The following SLC1A3 variants were observed in gnomAD, a reference collection of about 807,000 sequenced individuals.
The protein encoded by SLC1A3 is solute carrier family 1 member 3, also known as excitatory amino acid transporter 1.
In SLC1A3, 21 loss-of-function variants were observed where a neutral mutation model predicts 48.1. The observed-to-expected ratio is 0.44, with a 90% CI of 0.31 to 0.63. SLC1A3 has a LOEUF of 0.63. Ranked by LOEUF, SLC1A3 falls within the 20% of genes least tolerant of loss-of-function variation. The pLI, the probability that SLC1A3 is intolerant of heterozygous loss-of-function variation, is 0.08. For missense variants in SLC1A3, 546 were observed against 689.0 expected, an observed-to-expected ratio of 0.79 and a Z score of 2.32; for synonymous variants, 239 against 251.4, an observed-to-expected ratio of 0.95 and a Z score of 0.47.
At chr5:36,680,983 A>G (rs192913651) in intron 8 of SLC1A3, among the ~76,000 whole-genome samples, 2 of 152,124 alleles carry the variant, frequency 1.3e-5, no homozygotes, top group Non-Finnish European at 2.9e-5. Context: ...GGGATCCCAC[A>G]TAATCAAGAG....
chr5:36,648,759 A>G (rs1471177272), intron 3 of SLC1A3, among the ~76,000 whole-genome samples: 3 of 152,208 alleles, frequency 2.0e-5, no homozygotes, highest in African/African-American at 4.8e-5. Context: ...TTTCCCTTCA[A>G]CTACATACAT....
At chr5:36,652,471 C>T (rs779174483) in intron 3 of SLC1A3, among the ~76,000 whole-genome samples, 39 of 152,126 alleles carry the variant, frequency 2.6e-4, no homozygotes, top group Non-Finnish European at 4.3e-4. Context: ...GCATCTCTCC[C>T]TCCCCTGCAG....
chr5:36,680,520 C>G lies in SLC1A3; in HGVS notation c.1220C>G (p.Ala407Gly). ...INMDGTALYEALAAIFIAQVN... is the reference protein window; with the variant it reads ...INMDGTALYEGLAAIFIAQVN... ...ATGGATGGGACTGCCCTCTATGAGG[C>G]TTTGGCTGCCATTTTCATTGCTCAA... Residue 407 changes from alanine to glycine, a missense_variant, in exon 8 of 10, where the codon GCT becomes GGT. Around this residue, in one of 3 missense-constraint regions of SLC1A3, gnomAD observed 142 missense variants for 238.0 expected, o/e 0.60. Transcript: ENST00000265113. The G allele has an allele frequency of 6.2e-7, 1 of 1,614,194 alleles. No individual in the cohort carries two copies. Among genetic ancestry groups the G allele is most frequent in the Non-Finnish European group, 8.5e-7 (1 of 1,179,990 alleles).
At chr5:36,639,717 A>G (rs1384331463) in intron 3 of SLC1A3, among the ~76,000 whole-genome samples, 1 of 152,248 alleles carries the variant, frequency 6.6e-6, no homozygotes, top group Non-Finnish European at 1.5e-5. Flanking sequence ...TATAAATTCC[A>G]TACAGTTTTA....
chr5:36,629,659 C>T lies in SLC1A3; in HGVS notation c.319+72C>T, dbSNP rs1260989038. ...TATTGCAAAAGATTGCTTAGAAAAG[C>T]CAGTGCTTTAGGTTTCTGCTGGATG... is the stretch of plus-strand genomic sequence containing the variant. On this transcript the variant is annotated intron_variant, in intron 3 of 9. Coordinates refer to ENST00000265113, the MANE Select transcript of SLC1A3 (RefSeq NM_004172.5). 8 of 1,371,760 alleles carry T rather than the reference C, an allele frequency of 5.8e-6. No individual in the cohort carries two copies. In the East Asian group the frequency reaches 1.8e-4, roughly 31 times the overall value. The allele number at this position is 1,371,760 out of a possible 1,614,324, so 85.0% of individuals were successfully genotyped here.
chr5:36,619,816 C>T (rs4869677), intron 2 of SLC1A3, among the ~76,000 whole-genome samples: 82,323 of 152,034 alleles, frequency 0.54, 23,289 homozygotes, highest in Admixed American at 0.65. Context: ...ATTGCTAAAA[C>T]ATTTTTTGAC....
chr5:36,667,380 T>C (rs1169075607), intron 3 of SLC1A3, among the ~76,000 whole-genome samples: 1 of 152,216 alleles, frequency 6.6e-6, no homozygotes, highest in Non-Finnish European at 1.5e-5. Context: ...GTGGCTCATC[T>C]TAGCAATTAA....
intron 3 of SLC1A3, among the ~76,000 whole-genome samples, chr5:36,632,844 T>C (rs1266050050): frequency 6.6e-6 from 1 of 152,252 alleles, no homozygotes; most frequent in Non-Finnish European, 1.5e-5. Flanking sequence ...TGTGGCTCTA[T>C]AGCCCTTGTA....
chr5:36,599,284 T>C (rs1460456961), intron 1 of SLC1A3, among the ~76,000 whole-genome samples: 1 of 152,180 alleles, frequency 6.6e-6, no homozygotes, highest in Admixed American at 6.5e-5. Context: ...GAGTGCCAAC[T>C]CTAGACTCTG....
At chr5:36,672,551 C>T (rs911171870) in intron 4 of SLC1A3, among the ~76,000 whole-genome samples, 1 of 152,184 alleles carries the variant, frequency 6.6e-6, no homozygotes, top group Non-Finnish European at 1.5e-5. Context: ...AGGGCCCATT[C>T]CCCATTGATC....
chr5:36,638,943 G>C (rs1254167927), intron 3 of SLC1A3, among the ~76,000 whole-genome samples: 1 of 152,202 alleles, frequency 6.6e-6, no homozygotes, highest in Admixed American at 6.5e-5. Flanking sequence ...TGGGATTATA[G>C]GCATGAGTCA....
chr5:36,683,573 G>A (rs995639901), intron 8 of SLC1A3, among the ~76,000 whole-genome samples: 2 of 151,788 alleles, frequency 1.3e-5, no homozygotes, highest in African/African-American at 4.8e-5. Context: ...TCGAGTGTGG[G>A]GGCATGAAGC....
At chr5:36,666,945 C>T (rs901417588) in intron 3 of SLC1A3, among the ~76,000 whole-genome samples, 6 of 152,194 alleles carry the variant, frequency 3.9e-5, no homozygotes, top group Admixed American at 3.3e-4. Flanking sequence ...CCTCTCTCTT[C>T]CATGTGATTA....
intron 3 of SLC1A3, among the ~76,000 whole-genome samples, chr5:36,662,320 C>T (rs1741546894): frequency 6.6e-6 from 1 of 152,158 alleles, no homozygotes; most frequent in African/African-American, 2.4e-5. Context: ...CCTGTTGCCC[C>T]CACTGCCCAA....
intron 1 of SLC1A3, among the ~76,000 whole-genome samples, chr5:36,600,456 C>T (rs76591410): frequency 0.011 from 1,632 of 152,268 alleles, 28 homozygotes; most frequent in African/African-American, 0.036. Flanking sequence ...ATGACCTATC[C>T]TGATTTCACC....
Position 36,608,448 on chromosome 5 carries a change from C to T in SLC1A3, c.25C>T (p.Pro9Ser). 1 of 1,613,986 alleles carries T rather than the reference C, an allele frequency of 6.2e-7. No homozygotes were observed. Among genetic ancestry groups the T allele is most frequent in the Non-Finnish European group, 8.5e-7 (1 of 1,179,922 alleles). MTKSNGEE[P>S]KMGGRMERFQ... The stretch of plus-strand genomic sequence containing the variant: ...TATGACTAAAAGCAATGGAGAAGAG[C>T]CCAAGATGGGGGGCAGGATGGAGAG... Residue 9 changes from proline to serine, a missense_variant, in exon 2 of 10, where the codon CCC becomes TCC. Around this residue, in one of 3 missense-constraint regions of SLC1A3, gnomAD observed 348 missense variants for 392.0 expected, o/e 0.89. Transcript: ENST00000265113.
Position 36,677,048 on chromosome 5 carries a change from A to G in SLC1A3, c.724A>G (p.Asn242Asp). ...AGTTCCAGGATCTGTGAATGGAGTC[A>G]ATGCCCTGGGTCTAGTTGTCTTCTC... ...VPVPGSVNGV[N>D]ALGLVVFSMC... The change falls in exon 6 of 10, where the codon AAT becomes GAT. Residue 242 changes from asparagine to aspartate, a missense_variant. This residue lies in a region of SLC1A3 where 348 missense variants were observed against 392.0 expected (regional missense o/e 0.89). Transcript: ENST00000265113. The G allele has an allele frequency of 5.6e-6, 9 of 1,614,144 alleles. No individual in the cohort carries two copies. The highest frequency in any genetic ancestry group is 7.6e-6 in the Non-Finnish European group (9 of 1,179,998).
chr5:36,633,956 T>A (rs1740232707), intron 3 of SLC1A3, among the ~76,000 whole-genome samples: 1 of 152,204 alleles, frequency 6.6e-6, no homozygotes, highest in African/African-American at 2.4e-5. Context: ...TCTGGGAGCC[T>A]GAGACCCGAC....
At chr5:36,632,052 T>G (rs1740154138) in intron 3 of SLC1A3, among the ~76,000 whole-genome samples, 2 of 152,210 alleles carry the variant, frequency 1.3e-5, no homozygotes, top group Admixed American at 1.3e-4. Flanking sequence ...TATTTTTTGT[T>G]TTCCTATTTT....
Sources: gnomAD v4.1 joint callset for allele counts (sites outside exome capture counted in the v4.1 genomes callset) on GRCh38, gnomAD v4.1.1 for gene constraint, gnomAD v4.1.1 regional missense constraint, MANE v1.5 for transcripts, NCBI Gene and HGNC (gene_info 2026-07-23, HGNC 2026-07-21) for gene names.